ERBB4: variants seen among roughly 807,000 people sequenced by gnomAD.
ERBB4 encodes the protein receptor tyrosine-protein kinase erbB-4.
Under a neutral mutation model 158.0 loss-of-function variants are expected in ERBB4, and 42 were observed. The ratio of observed to expected loss-of-function variants is 0.27; its 90% CI spans 0.21 to 0.34. The LOEUF (loss-of-function observed/expected upper bound fraction) is 0.34, where lower values mean the gene tolerates loss of function less well. ERBB4 is among the 10% of genes least tolerant of loss of function. The pLI is 1.00. For missense variants in ERBB4, 1,333 were observed against 1,624.1 expected (o/e 0.82, Z 3.08); for synonymous variants, 583 against 558.7 (o/e 1.04, Z -0.61).
chr2:212,161,818 C>T (rs758019854), intron 1 of ERBB4, among the ~76,000 whole-genome samples: 5 of 151,716 alleles, frequency 3.3e-5, no homozygotes, highest in Non-Finnish European at 7.4e-5. Context: ...AGAAGTGTAA[C>T]GTGGTGATAA....
intron 20 of ERBB4, among the ~76,000 whole-genome samples, chr2:211,456,138 T>C (rs1038209806): frequency 6.6e-6 from 1 of 152,194 alleles, no homozygotes; most frequent in African/African-American, 2.4e-5. Context: ...AAGTCTGTTT[T>C]ATTCAAGTCT....
chr2:211,979,890 A>T (rs1226344688), intron 2 of ERBB4, among the ~76,000 whole-genome samples: 1 of 152,082 alleles, frequency 6.6e-6, no homozygotes, highest in African/African-American at 2.4e-5. Context: ...CCCATTATGA[A>T]CTCACCACAT....
intron 1 of ERBB4, among the ~76,000 whole-genome samples, chr2:212,526,434 G>C (rs1692449855): frequency 6.6e-6 from 1 of 151,866 alleles, no homozygotes; most frequent in African/African-American, 2.4e-5. Flanking sequence ...CCTGTATTTA[G>C]AAGAAAGAAA....
rs543013851 is a variant in ERBB4 at position 212,443,028 on chromosome 2, T to C, written c.82+95421A>G. On this transcript the variant is annotated intron_variant, in intron 1 of 27. Transcript: ENST00000342788. ...AGCTCTTGTACCAGATGTGGTTTCA[T>C]TGCTTGAGCAAATTAACACATCTCC... 9.8e-5 allele frequency among the ~76,000 whole-genome samples: 15 copies of C among 152,362 alleles called. No individual in the cohort carries two copies. In the South Asian group the frequency reaches 2.3e-3, roughly 23 times the overall value.
intron 5 of ERBB4, among the ~76,000 whole-genome samples, chr2:211,738,927 T>C (rs562729176): frequency 2.6e-5 from 4 of 152,228 alleles, no homozygotes; most frequent in African/African-American, 7.2e-5. Context: ...GCATGAACCA[T>C]TGTGGCTGGC....
At chr2:211,701,903 G>T in intron 12 of ERBB4, 64 bp downstream of exon 12, 3 of 1,212,248 alleles carry the variant, frequency 2.5e-6, no homozygotes, top group Non-Finnish European at 2.5e-6. Context: ...TAATTGTTTG[G>T]TCCAAAGAAG....
intron 2 of ERBB4, among the ~76,000 whole-genome samples, chr2:211,961,912 T>TCCATCG (rs1160683592): frequency 6.6e-6 from 1 of 152,108 alleles, no homozygotes; most frequent in Non-Finnish European, 1.5e-5. Flanking sequence ...AGTTATAGTG[T>TCCATCG]CCAGGGATGC....
At chr2:211,772,265 G>A (rs1347020002) in intron 4 of ERBB4, among the ~76,000 whole-genome samples, 2 of 152,058 alleles carry the variant, frequency 1.3e-5, no homozygotes, top group African/African-American at 4.8e-5. Context: ...TTGGAGAGTA[G>A]TTATTAAATA....
At chr2:212,286,978 C>G (rs1299165961) in intron 1 of ERBB4, among the ~76,000 whole-genome samples, 1 of 151,226 alleles carries the variant, frequency 6.6e-6, no homozygotes, top group Non-Finnish European at 1.5e-5. Flanking sequence ...TGATAACCAC[C>G]AGGGAGGGGC....
At chr2:212,293,351 TA>T (rs921370055) in intron 1 of ERBB4, among the ~76,000 whole-genome samples, 82 of 152,136 alleles carry the variant, frequency 5.4e-4, no homozygotes, top group African/African-American at 1.9e-3. Flanking sequence ...TAGCATATAT[TA>T]AAAATATTCC....
rs1339273936 is a variant in ERBB4 at position 212,518,589 on chromosome 2, T to C, written c.82+19860A>G. Among the ~76,000 whole-genome samples the C allele has an allele frequency of 5.9e-5, 9 of 152,000 alleles. No individual in the cohort carries two copies. In the East Asian group the frequency reaches 1.7e-3, roughly 29 times the overall value. ...CAAATATTTGTGTAAAAATTAACCA[T>C]TTATGGTACCACAAGCCCCTATTAG... On this transcript the variant is annotated intron_variant, in intron 1 of 27. Transcript: ENST00000342788.
At chr2:211,883,297 TG>T (rs34178067) in intron 3 of ERBB4, among the ~76,000 whole-genome samples, 1 of 151,902 alleles carries the variant, frequency 6.6e-6, no homozygotes, top group Non-Finnish European at 1.5e-5. Flanking sequence ...GGCCCTGTTG[TG>T]GGGTGGGTGG....
At position 211,381,834 on chromosome 2, in the gene ERBB4, T is replaced by A; in HGVS notation, c.*1781A>T. ...CCCAATATTTTAACATTAGAAATAT[T>A]TTTTAAAAATCTAAATGACTTGGGG... On this transcript the variant is annotated 3_prime_UTR_variant, in exon 28 of 28. Transcript: ENST00000342788. 1 of 228,722 alleles carries A rather than the reference T, an allele frequency of 4.4e-6. No individual in the cohort carries two copies. Among genetic ancestry groups the A allele is most frequent in the East Asian group, 6.3e-5 (1 of 15,898 alleles). 14.2% of individuals were successfully genotyped at this position (228,722 alleles called of 1,614,324 possible).
chr2:212,313,229 T>C (rs749125228), intron 1 of ERBB4, among the ~76,000 whole-genome samples: 3 of 150,758 alleles, frequency 2.0e-5, no homozygotes, highest in Non-Finnish European at 3.0e-5. Context: ...AAATTAGAAA[T>C]TGAAAAGAGC....
Position 211,580,889 on chromosome 2 carries a change from A to AGTATGTATATATATT in ERBB4, c.2302-18802_2302-18801insAATATATATACATAC, listed in dbSNP as rs1185266020. Among the ~76,000 whole-genome samples, 6 of 73,122 alleles carry AGTATGTATATATATT rather than the reference A, an allele frequency of 8.2e-5. 3 individuals are homozygous for AGTATGTATATATATT. In the South Asian group the frequency reaches 1.6e-3, roughly 19 times the overall value. 48.0% of individuals were successfully genotyped at this position (73,122 alleles called of 152,430 possible). A position where few individuals can be genotyped will look rare whatever the true frequency, so the allele number is the denominator to read the frequency against. ...TACATATATATATATATATATATATATATATATATATATATATATATATAT... is the reference window on the plus strand; with the variant it reads ...TACATATATATATATATATATATATAGTATGTATATATATTTATATATATATATATATATATATAT... On this transcript the variant is annotated intron_variant, in intron 19 of 27. Coordinates refer to ENST00000342788, the MANE Select transcript of ERBB4 (RefSeq NM_005235.3).
chr2:212,121,965 C>A (rs2079763783), intron 2 of ERBB4, among the ~76,000 whole-genome samples: 1 of 151,812 alleles, frequency 6.6e-6, no homozygotes, highest in African/African-American at 2.4e-5. Context: ...TGCACTCCAC[C>A]CCTACCATTA....
chr2:212,348,114 T>G (rs927382947), intron 1 of ERBB4, among the ~76,000 whole-genome samples: 1 of 152,090 alleles, frequency 6.6e-6, no homozygotes, highest in Non-Finnish European at 1.5e-5. Flanking sequence ...TCAAGTAACT[T>G]TCCTCCAAAA....
intron 19 of ERBB4, among the ~76,000 whole-genome samples, chr2:211,590,851 G>A (rs1159428115): frequency 6.6e-6 from 1 of 152,220 alleles, no homozygotes; most frequent in Non-Finnish European, 1.5e-5. Context: ...GGTGGTTACA[G>A]GGAGAGGTTT....
chr2:212,155,810 C>T (rs938525518), intron 1 of ERBB4, among the ~76,000 whole-genome samples: 2 of 151,956 alleles, frequency 1.3e-5, no homozygotes, highest in Non-Finnish European at 2.9e-5. Flanking sequence ...GAAGCTATTG[C>T]AAAATATTAT....
Sources: allele counts gnomAD v4.1 joint callset (sites outside exome capture counted in the v4.1 genomes callset), GRCh38; gene constraint gnomAD v4.1.1; transcripts MANE v1.5; gene names NCBI Gene and HGNC (gene_info 2026-07-23, HGNC 2026-07-21).